The following ATP6V1E2 variants were observed in gnomAD, a reference collection of about 807,000 sequenced individuals.
The protein encoded by ATP6V1E2 is ATPase H+ transporting V1 subunit E2.
For synonymous variants in ATP6V1E2, 121 were observed against 104.2 expected, an observed-to-expected ratio of 1.16 and a Z score of -0.98; for missense variants, 308 against 273.3, an observed-to-expected ratio of 1.13 and a Z score of -0.90.
At chr2:46,518,603 C>T (rs1211554420) in intron 4 of ATP6V1E2, among the ~76,000 whole-genome samples, 1 of 151,776 alleles carries the variant, frequency 6.6e-6, no homozygotes, top group Non-Finnish European at 1.5e-5. Flanking sequence ...AGACCAAGCC[C>T]TTGGGTTCAA....
rs1410805591 is a variant in ATP6V1E2, at chr2:46,535,072, G to C, written c.-102+741C>G. ...TCAGCAAGACCACTATGCTCTGCTTGGGTTCCCCCTCATTGTGCTGCAATT... is the reference window on the plus strand; with the variant it reads ...TCAGCAAGACCACTATGCTCTGCTTCGGTTCCCCCTCATTGTGCTGCAATT... On this transcript the variant is annotated intron_variant, in intron 4 of 4. Coordinates refer to ENST00000522587, the MANE Select transcript of ATP6V1E2 (RefSeq NM_001318063.2). The surrounding 1 kb of genome is among the most constrained non-coding windows in gnomAD (Gnocchi z 4.4). 6.6e-6 allele frequency: 1 copy of C among 152,158 alleles called. No individual in the cohort carries two copies. Among genetic ancestry groups the C allele is most frequent in the South Asian group, 2.1e-4 (1 of 4,828 alleles). 9.4% of individuals were successfully genotyped at this position (152,158 alleles called of 1,614,324 possible).
At chr2:46,521,100 A>G (rs943665854) in intron 4 of ATP6V1E2, among the ~76,000 whole-genome samples, 1 of 152,300 alleles carries the variant, frequency 6.6e-6, no homozygotes, top group East Asian at 1.9e-4. Context: ...ATTTTTAGAA[A>G]TGGGTCTCAC....
In ATP6V1E2 at chr2:46,517,325, A is replaced by G. The variant is rs140831459; in HGVS notation, c.-101-4513T>C. ...GACCCTTATTTTAAGCATACACAAA[A>G]ATCAACTAAAAATTGATTGAAGACT... is the stretch of plus-strand genomic sequence containing the variant. On this transcript the variant is annotated intron_variant, in intron 4 of 4. Transcript: ENST00000522587. Among the ~76,000 whole-genome samples the G allele has an allele frequency of 1.2e-3, 190 of 152,312 alleles. 1 individual carries two copies. Among genetic ancestry groups the G allele is most frequent in the Non-Finnish European group, 1.8e-3 (123 of 68,022 alleles).
intron 2 of ATP6V1E2, among the ~76,000 whole-genome samples, chr2:46,538,981 A>C (rs1667585375): frequency 6.6e-6 from 1 of 151,744 alleles, no homozygotes; most frequent in African/African-American, 2.4e-5. Flanking sequence ...AAACACACAC[A>C]AAAAAAAATT....
At chr2:46,516,453 G>A (rs1424184440) in intron 4 of ATP6V1E2, among the ~76,000 whole-genome samples, 2 of 152,148 alleles carry the variant, frequency 1.3e-5, no homozygotes, top group East Asian at 1.9e-4. Context: ...AAGTCAGGCC[G>A]GATGCAATGG....
chr2:46,542,536 C>G lies in ATP6V1E2; in HGVS notation c.-693G>C, dbSNP rs1318261372. 1 of 148,796 alleles carries G rather than the reference C, an allele frequency of 6.7e-6. No homozygotes were observed. The highest frequency in any genetic ancestry group is 2.0e-4 in the East Asian group (1 of 5,092). The allele number at this position is 148,796 out of a possible 1,614,324, so 9.2% of individuals were successfully genotyped here. A position where few individuals can be genotyped will look rare whatever the true frequency, so the allele number is the denominator to read the frequency against. ...CGCGGCCCTCGCAGGGAGTGGGGCT[C>G]GGGTGCGCCGGCAGGGCCGCGCGGC... is the stretch of plus-strand genomic sequence containing the variant. On this transcript the variant is annotated 5_prime_UTR_variant, in exon 1 of 5. Transcript: ENST00000522587.
chr2:46,517,821 A>G (rs1367179016), intron 4 of ATP6V1E2, among the ~76,000 whole-genome samples: 2 of 152,232 alleles, frequency 1.3e-5, no homozygotes, highest in Non-Finnish European at 2.9e-5. Flanking sequence ...GATGGTCATT[A>G]TTTTTTAAAA....
At chr2:46,534,542 T>A (rs1667345688) in intron 4 of ATP6V1E2, 1 of 152,230 alleles carries the variant, frequency 6.6e-6, no homozygotes, top group Non-Finnish European at 1.5e-5. Flanking sequence ...CTCCTGATTT[T>A]GGGTTCTATT....
Position 46,512,714 on chromosome 2 carries a change from C to G in ATP6V1E2, c.-3G>C, listed in dbSNP as rs751320754. ...ACATCGACATCACTCAGGGCCATGG[C>G]TGCTCTCAGAGGGGACGGCAGAGAG... On this transcript the variant is annotated 5_prime_UTR_variant, in exon 5 of 5. Coordinates refer to ENST00000522587, the MANE Select transcript of ATP6V1E2 (RefSeq NM_001318063.2). 2 of 1,607,494 alleles carry G rather than the reference C, an allele frequency of 1.2e-6. No homozygotes were observed. Among genetic ancestry groups the G allele is most frequent in the Admixed American group, 1.7e-5 (1 of 59,696 alleles).
At chr2:46,529,081 A>C (rs1667061605) in intron 4 of ATP6V1E2, among the ~76,000 whole-genome samples, 1 of 152,316 alleles carries the variant, frequency 6.6e-6, no homozygotes, top group African/African-American at 2.4e-5. Flanking sequence ...AGCCCTTCAG[A>C]GGCAGCTGGC....
In ATP6V1E2 at chr2:46,512,616, G is replaced by C; in HGVS notation, c.96C>G (p.Ala32=). Residue 32 remains alanine, a synonymous_variant, in exon 5 of 5, where the codon GCC becomes GCG. Coordinates refer to ENST00000522587, the MANE Select transcript of ATP6V1E2 (RefSeq NM_001318063.2). ...CAATGTTAAACTCTTCCTCAGCCTT[G>C]GCATCGATTTCCTCTGCTTTCTCAT... ...EANEKAEEID[A]KAEEEFNIEK... is the part of the protein sequence containing the mutation. 6.2e-7 allele frequency: 1 copy of C among 1,614,146 alleles called. No individual in the cohort carries two copies. The highest frequency in any genetic ancestry group is 8.5e-7 in the Non-Finnish European group (1 of 1,180,038).
rs1687725380 is a variant in ATP6V1E2 at position 46,516,725 on chromosome 2, T to C, written c.-101-3913A>G. ...GCAATTCTAAGAGGAAAATTTATAG[T>C]AGTAAACTCTATATTAAAAAAAAAA... is the stretch of plus-strand genomic sequence containing the variant. On this transcript the variant is annotated intron_variant, in intron 4 of 4. Transcript: ENST00000522587. 2.4e-5 allele frequency among the ~76,000 whole-genome samples: 3 copies of C among 127,286 alleles called. No homozygotes were observed. In the South Asian group the frequency reaches 8.8e-4, roughly 37 times the overall value. The allele number at this position is 127,286 out of a possible 152,430, so 83.5% of individuals were successfully genotyped here. A position where few individuals can be genotyped will look rare whatever the true frequency, so the allele number is the denominator to read the frequency against.
intron 4 of ATP6V1E2, among the ~76,000 whole-genome samples, chr2:46,516,673 T>C (rs889982834): frequency 6.6e-6 from 1 of 151,840 alleles, no homozygotes; most frequent in African/African-American, 2.4e-5. Context: ...AACTACAACA[T>C]ACCTAAACTT....
rs1667421407 is a variant in ATP6V1E2, at chr2:46,535,934, CATAAA to C, written c.-216-12_-216-8del. The C allele has an allele frequency of 6.6e-6, 1 of 152,304 alleles. No individual in the cohort carries two copies. The highest frequency in any genetic ancestry group is 2.1e-4 in the South Asian group (1 of 4,830). The allele number at this position is 152,304 out of a possible 1,614,324, so 9.4% of individuals were successfully genotyped here. ...TTTTCTGGCACTCTTGGTTCTGAAA[CATAAA>C]ATAAAATCATTAATTTCATTTTTGG... On this transcript the variant is annotated splice_polypyrimidine_tract_variant and splice_region_variant and intron_variant, in intron 3 of 4. Transcript: ENST00000522587. The surrounding 1 kb of genome is among the most constrained non-coding windows in gnomAD (Gnocchi z 4.4).
At chr2:46,513,563 C>T (rs1407732882) in intron 4 of ATP6V1E2, among the ~76,000 whole-genome samples, 16 of 152,284 alleles carry the variant, frequency 1.1e-4, no homozygotes, top group Admixed American at 5.2e-4. Context: ...CAGTGGCTCA[C>T]GCCTGTAATC....
intron 4 of ATP6V1E2, among the ~76,000 whole-genome samples, chr2:46,517,750 C>T (rs1202785600): frequency 6.6e-6 from 1 of 152,200 alleles, no homozygotes; most frequent in Non-Finnish European, 1.5e-5. Context: ...ATGTGCTCAA[C>T]ATCAATCATC....
At chr2:46,536,026 A>G (rs972931843) in intron 3 of ATP6V1E2, 99 bp from the exon 4 acceptor site, 1 of 152,232 alleles carries the variant, frequency 6.6e-6, no homozygotes, top group African/African-American at 2.4e-5. Context: ...CCTAAATCAT[A>G]TGAGTATTCC....
chr2:46,540,640 T>TTTTTTTTTTTC (rs1667702507), intron 2 of ATP6V1E2, among the ~76,000 whole-genome samples: 2 of 146,612 alleles, frequency 1.4e-5, no homozygotes, highest in Admixed American at 6.8e-5. Context: ...TTTTTTTTTT[T>TTTTTTTTTTTC]ACCACTTGGA....
chr2:46,512,022 C>T lies in ATP6V1E2; in HGVS notation c.*9G>A, dbSNP rs1687478770. ...TAGTGGTTCAACACTAGCTTCACTTCCCAGAGGCTTATATAAAGAACTTTC... is the reference window on the plus strand; with the variant it reads ...TAGTGGTTCAACACTAGCTTCACTTTCCAGAGGCTTATATAAAGAACTTTC... On this transcript the variant is annotated 3_prime_UTR_variant, in exon 5 of 5. Coordinates refer to ENST00000522587, the MANE Select transcript of ATP6V1E2 (RefSeq NM_001318063.2). 3 of 1,563,414 alleles carry T rather than the reference C, an allele frequency of 1.9e-6. No individual in the cohort carries two copies. The highest frequency in any genetic ancestry group is 2.6e-6 in the Non-Finnish European group (3 of 1,158,104).
Sources: gnomAD v4.1 joint callset for allele counts (sites outside exome capture counted in the v4.1 genomes callset) on GRCh38, gnomAD v4.1.1 for gene constraint, Gnocchi (gnomAD v3.1) non-coding constraint, MANE v1.5 for transcripts, NCBI Gene and HGNC (gene_info 2026-07-23, HGNC 2026-07-21) for gene names.